The following CNBD1 variants were observed in gnomAD, a reference collection of about 807,000 sequenced individuals.
CNBD1 encodes the protein cyclic nucleotide binding domain containing 1.
Under a neutral mutation model 54.4 loss-of-function variants are expected in CNBD1, and 71 were observed. The observed-to-expected ratio is 1.30, with a 90% CI of 1.08 to 1.59. The LOEUF is 1.59. CNBD1 is among the 40% of genes most tolerant of loss of function. The pLI, the probability that CNBD1 is intolerant of heterozygous loss-of-function variation, is 0.00. For synonymous variants in CNBD1, 182 were observed against 170.7 expected, an observed-to-expected ratio of 1.07 and a Z score of -0.51; for missense variants, 659 against 518.0, an observed-to-expected ratio of 1.27 and a Z score of -2.64.
In CNBD1 at chr8:86,983,912, C is replaced by A. The variant is rs570682010; in HGVS notation, c.431+44158C>A. On this transcript the variant is annotated intron_variant, in intron 4 of 10. Transcript: ENST00000518476. ...TCTGAGGAGAAATTCAAGCCAATTG[C>A]AGAAATGTGCCTAGTAATGAGAGGT... 6.9e-4 allele frequency among the ~76,000 whole-genome samples: 105 copies of A among 152,226 alleles called. 1 individual carries two copies. The highest frequency in any genetic ancestry group is 2.5e-3 in the African/African-American group (102 of 41,550).
intron 4 of CNBD1, among the ~76,000 whole-genome samples, chr8:87,072,321 T>C (rs1229845681): frequency 6.6e-6 from 1 of 152,188 alleles, no homozygotes; most frequent in Non-Finnish European, 1.5e-5. Flanking sequence ...TAAGTATTAT[T>C]ATGTGTGAAT....
At chr8:87,108,682 C>T (rs61115362) in intron 4 of CNBD1, among the ~76,000 whole-genome samples, 38,110 of 151,908 alleles carry the variant, frequency 0.25, 5,141 homozygotes, top group African/African-American at 0.34. Context: ...TTGGGAAATG[C>T]GATAATTTTA....
intron 4 of CNBD1, among the ~76,000 whole-genome samples, chr8:87,035,783 C>T (rs770295043): frequency 2.5e-4 from 38 of 152,024 alleles, no homozygotes; most frequent in Admixed American, 1.1e-3. Context: ...TATGGCAGCC[C>T]GGCTCCATGG....
At chr8:87,022,620 T>G (rs1017074738) in intron 4 of CNBD1, among the ~76,000 whole-genome samples, 5 of 152,184 alleles carry the variant, frequency 3.3e-5, no homozygotes, top group Non-Finnish European at 7.3e-5. Flanking sequence ...GCCCTTAAAT[T>G]TATTAAATCT....
chr8:87,156,392 G>A (rs1168229115), intron 4 of CNBD1, among the ~76,000 whole-genome samples: 2 of 150,254 alleles, frequency 1.3e-5, no homozygotes, highest in Non-Finnish European at 1.5e-5. Flanking sequence ...TTACAGGCAC[G>A]TACCATCATA....
rs142516876 is a variant in CNBD1 at position 87,300,048 on chromosome 8, G to T, written c.1042+13377G>T. Among the ~76,000 whole-genome samples, 4 of 152,178 alleles carry T rather than the reference G, an allele frequency of 2.6e-5. No homozygotes were observed. In the East Asian group the frequency reaches 7.7e-4, roughly 29 times the overall value. On this transcript the variant is annotated intron_variant, in intron 8 of 10. Transcript: ENST00000518476. ...ACATGAAGAGTTTTCTTAGCCCATT[G>T]GACACTTGGCTTAACCTGGCAAATG...
chr8:87,079,244 A>G (rs540882293), intron 4 of CNBD1, among the ~76,000 whole-genome samples: 1 of 152,028 alleles, frequency 6.6e-6, no homozygotes, highest in Admixed American at 6.5e-5. Flanking sequence ...ATTTTTTTTC[A>G]TTCATTGTGC....
intron 6 of CNBD1, among the ~76,000 whole-genome samples, chr8:87,279,293 AAG>A (rs1236872877): frequency 1.3e-5 from 2 of 151,536 alleles, no homozygotes; most frequent in African/African-American, 2.4e-5. Context: ...TATAAGTTAA[AAG>A]AGAACAAAAT....
At chr8:86,928,569 A>G (rs1252127584) in intron 3 of CNBD1, among the ~76,000 whole-genome samples, 2 of 152,216 alleles carry the variant, frequency 1.3e-5, no homozygotes, top group African/African-American at 4.8e-5. Context: ...TTAGGACTTT[A>G]ACTACTTCCT....
At chr8:87,068,313 A>T (rs192493664) in intron 4 of CNBD1, among the ~76,000 whole-genome samples, 1 of 152,190 alleles carries the variant, frequency 6.6e-6, no homozygotes, top group East Asian at 1.9e-4. Flanking sequence ...TTTAGGTAAT[A>T]TATAATTACA....
downstream of CNBD1, among the ~76,000 whole-genome samples, chr8:87,386,738 A>G (rs564235711): frequency 1.3e-4 from 20 of 152,338 alleles, no homozygotes; most frequent in South Asian, 4.1e-3. Flanking sequence ...CAACATTCAA[A>G]TTCAGGAAAT....
At chr8:87,348,327 T>G (rs930231796) in intron 8 of CNBD1, among the ~76,000 whole-genome samples, 1 of 152,140 alleles carries the variant, frequency 6.6e-6, no homozygotes, top group Non-Finnish European at 1.5e-5. Flanking sequence ...TTGGGTAAAG[T>G]ATTGATGTTT....
rs144176076 is a variant in CNBD1 at position 87,001,200 on chromosome 8, G to A, written c.431+61446G>A. ...TTATTGCTTTTATTTTATTTACATA[G>A]AGATGCTGATTAGGTGATTAATTTG... On this transcript the variant is annotated intron_variant, in intron 4 of 10. Coordinates refer to ENST00000518476, the MANE Select transcript of CNBD1 (RefSeq NM_173538.3). Among the ~76,000 whole-genome samples, 68 of 151,806 alleles carry A rather than the reference G, an allele frequency of 4.5e-4. No individual in the cohort carries two copies. In the East Asian group the frequency reaches 0.013, roughly 28 times the overall value.
At position 87,265,012 on chromosome 8, in the gene CNBD1, C is replaced by T. The variant is rs1362877529; in HGVS notation, c.772-19666C>T. Among the ~76,000 whole-genome samples, 5 of 151,996 alleles carry T rather than the reference C, an allele frequency of 3.3e-5. No homozygotes were observed. In the South Asian group the frequency reaches 1.0e-3, roughly 31 times the overall value. ...AGAAGCTCTTTAGCTTAATTAGATC[C>T]CCTTTGTCAATTTTGGCTTTTGTTG... On this transcript the variant is annotated intron_variant, in intron 6 of 10. Transcript: ENST00000518476.
chr8:86,913,284 A>G (rs1445707422), intron 3 of CNBD1, among the ~76,000 whole-genome samples: 1 of 152,218 alleles, frequency 6.6e-6, no homozygotes, highest in Non-Finnish European at 1.5e-5. Flanking sequence ...ATTTAAGGGA[A>G]GTGCCCTTTA....
At chr8:87,137,771 G>A (rs892109044) in intron 4 of CNBD1, among the ~76,000 whole-genome samples, 2 of 152,102 alleles carry the variant, frequency 1.3e-5, no homozygotes, top group Non-Finnish European at 2.9e-5. Context: ...AACGGGAAAA[G>A]TTTGATTCAA....
Position 87,382,787 on chromosome 8 carries a change from C to G in CNBD1, c.*160C>G. On this transcript the variant is annotated 3_prime_UTR_variant, in exon 11 of 11. Transcript: ENST00000518476. ...AAAGTCCCACTTTCGAATTGCCTTT[C>G]AAACACAGTTTTTATTAGCAGTCTT... is the stretch of plus-strand genomic sequence containing the variant. The G allele has an allele frequency of 2.2e-6, 1 of 457,732 alleles. No individual in the cohort carries two copies. Among genetic ancestry groups the G allele is most frequent in the Non-Finnish European group, 3.9e-6 (1 of 257,040 alleles). The allele number at this position is 457,732 out of a possible 1,614,324, so 28.4% of individuals were successfully genotyped here.
At chr8:87,079,708 C>G (rs2130663351) in intron 4 of CNBD1, among the ~76,000 whole-genome samples, 1 of 152,162 alleles carries the variant, frequency 6.6e-6, no homozygotes, top group East Asian at 1.9e-4. Context: ...AGAAGGACTT[C>G]TTATTGAACA....
At chr8:87,082,075 C>A (rs1421225353) in intron 4 of CNBD1, among the ~76,000 whole-genome samples, 2 of 152,180 alleles carry the variant, frequency 1.3e-5, no homozygotes, top group Non-Finnish European at 2.9e-5. Context: ...GCCATCATCA[C>A]CCCTGTGACT....
Sources: gnomAD v4.1 joint callset for allele counts (sites outside exome capture counted in the v4.1 genomes callset) on GRCh38, gnomAD v4.1.1 for gene constraint, MANE v1.5 for transcripts, NCBI Gene and HGNC (gene_info 2026-07-23, HGNC 2026-07-21) for gene names.